The following CCDC191 variants were observed in gnomAD, a reference collection of about 807,000 sequenced individuals.
CCDC191 encodes coiled-coil domain-containing protein 191.
In CCDC191, 99 loss-of-function variants were observed where a neutral mutation model predicts 114.0. The observed-to-expected ratio is 0.87, with a 90% CI of 0.74 to 1.03. The LOEUF (loss-of-function observed/expected upper bound fraction) is 1.03, where lower values mean the gene tolerates loss of function less well. Among genes scored for constraint, CCDC191 ranks in the 50% least tolerant of loss-of-function variants. The pLI, the probability that CCDC191 is intolerant of heterozygous loss-of-function variation, is 0.00. For missense variants in CCDC191, 973 were observed against 1,087.0 expected, an observed-to-expected ratio of 0.90 and a Z score of 1.47; for synonymous variants, 351 against 376.0, an observed-to-expected ratio of 0.93 and a Z score of 0.77.
At chr3:114,017,321 C>A (rs970040468) in intron 8 of CCDC191, among the ~76,000 whole-genome samples, 4 of 152,152 alleles carry the variant, frequency 2.6e-5, no homozygotes, top group African/African-American at 9.7e-5. Context: ...CTTGATAATG[C>A]CTTTCCTGGC....
intron 3 of CCDC191, among the ~76,000 whole-genome samples, chr3:114,046,085 G>A (rs1168335048): frequency 6.6e-6 from 1 of 152,158 alleles, no homozygotes; most frequent in Non-Finnish European, 1.5e-5. Context: ...CTACCACAGT[G>A]GCCTCCCTTT....
intron 2 of CCDC191, among the ~76,000 whole-genome samples, chr3:114,047,566 G>A (rs2076646547): frequency 6.6e-6 from 1 of 152,118 alleles, no homozygotes; most frequent in Non-Finnish European, 1.5e-5. Context: ...CAGAGGCTGA[G>A]GCAGGAGGAA....
At chr3:114,002,661 G>T in intron 11 of CCDC191, 123 bp from the exon 12 acceptor site, 2 of 1,254,710 alleles carry the variant, frequency 1.6e-6, no homozygotes, top group Non-Finnish European at 2.1e-6. Context: ...CTTGTAAGTT[G>T]AATGTTCACA....
intron 4 of CCDC191, among the ~76,000 whole-genome samples, chr3:114,042,000 A>G (rs2076568575): frequency 6.6e-6 from 1 of 152,174 alleles, no homozygotes; most frequent in African/African-American, 2.4e-5. Flanking sequence ...TCCTCTGGAA[A>G]AAAAAACTAG....
chr3:114,025,286 C>T (rs1046980249), intron 7 of CCDC191, among the ~76,000 whole-genome samples: 14 of 151,468 alleles, frequency 9.2e-5, no homozygotes, highest in Non-Finnish European at 1.3e-4. Context: ...AAACCCAAAC[C>T]CTATCACTGT....
intron 2 of CCDC191, among the ~76,000 whole-genome samples, chr3:114,048,981 C>A (rs2076666244): frequency 6.6e-6 from 1 of 152,238 alleles, no homozygotes; most frequent in Non-Finnish European, 1.5e-5. Flanking sequence ...TCCTCCTGCC[C>A]TTTATGGAAA....
chr3:113,966,483 T>A (rs780289271), intron 16 of CCDC191, among the ~76,000 whole-genome samples: 2 of 152,124 alleles, frequency 1.3e-5, no homozygotes, highest in African/African-American at 2.4e-5. Flanking sequence ...AGTCTGGTGG[T>A]GAGGAGCAGA....
chr3:114,010,731 C>T (rs748809435), intron 9 of CCDC191, 41 bp downstream of exon 9: 1 of 1,558,402 alleles, frequency 6.4e-7, no homozygotes, highest in East Asian at 2.3e-5. Flanking sequence ...AAAGCACAAA[C>T]CTCAAATGCA....
At chr3:114,030,323 T>C (rs62267076) in intron 7 of CCDC191, among the ~76,000 whole-genome samples, 15,904 of 152,164 alleles carry the variant, frequency 0.1, 934 homozygotes, top group African/African-American at 0.15. Context: ...GAAAACACAC[T>C]TTATTTGTCT....
chr3:114,027,308 GGAGGAA>G (rs2076334173), intron 7 of CCDC191, among the ~76,000 whole-genome samples: 2 of 152,096 alleles, frequency 1.3e-5, no homozygotes, highest in African/African-American at 4.8e-5. Flanking sequence ...AGATACTCTG[GGAGGAA>G]CAAATAAAAT....
At chr3:114,003,854 A>G (rs1577394259) in intron 11 of CCDC191, 1 of 985,484 alleles carries the variant, frequency 1.0e-6, no homozygotes, top group Non-Finnish European at 1.2e-6. Context: ...TATAATTGTC[A>G]AAGTGCCAAC....
In CCDC191 at chr3:114,002,458, A is replaced by T; in HGVS notation, c.2059T>A (p.Leu687Met). Residue 687 changes from leucine to methionine, a missense_variant and splice_region_variant, in exon 12 of 17, where the codon TTG (leucine) becomes ATG (methionine). Coordinates refer to ENST00000295878, the MANE Select transcript of CCDC191 (RefSeq NM_020817.2). ...EKKKKQEEEKLAQLKAQEEER... is the reference protein window; with the variant it reads ...EKKKKQEEEKMAQLKAQEEER... ...AGTTTGCATTTTGAATCTATTACCA[A>T]TTTTTCTTCTTCTTGTTTTTTCTTC... is the stretch of plus-strand genomic sequence containing the variant. 1 of 1,603,912 alleles carries T rather than the reference A, an allele frequency of 6.2e-7. No homozygotes were observed. Among genetic ancestry groups the T allele is most frequent in the Non-Finnish European group, 8.5e-7 (1 of 1,175,234 alleles).
chr3:114,014,796 G>C (rs1344844205), intron 8 of CCDC191, among the ~76,000 whole-genome samples: 1 of 152,080 alleles, frequency 6.6e-6, no homozygotes, highest in African/African-American at 2.4e-5. Context: ...TGTCATTCAT[G>C]TCACTCCTAA....
At chr3:113,975,592 G>A (rs955103302) in intron 16 of CCDC191, among the ~76,000 whole-genome samples, 2 of 152,152 alleles carry the variant, frequency 1.3e-5, no homozygotes, top group Admixed American at 6.6e-5. Context: ...TGTTTAACAT[G>A]TAAACAGTAA....
chr3:114,038,935 C>T (rs946934493), intron 4 of CCDC191, among the ~76,000 whole-genome samples: 3 of 152,042 alleles, frequency 2.0e-5, no homozygotes, highest in African/African-American at 7.2e-5. Flanking sequence ...GGCTTAATAC[C>T]TAGGTGATGG....
chr3:113,970,375 G>C (rs1247712451), intron 16 of CCDC191, among the ~76,000 whole-genome samples: 2 of 151,960 alleles, frequency 1.3e-5, no homozygotes, highest in African/African-American at 4.8e-5. Context: ...ACCCAGGCTG[G>C]TCTTGAACCC....
chr3:114,033,406 G>T (rs2107730481), intron 6 of CCDC191, among the ~76,000 whole-genome samples: 1 of 152,170 alleles, frequency 6.6e-6, no homozygotes, highest in East Asian at 1.9e-4. Context: ...TCTTTGTCTG[G>T]ATTTCTGATA....
At chr3:114,041,262 A>G (rs1319974388) in intron 4 of CCDC191, among the ~76,000 whole-genome samples, 1 of 152,212 alleles carries the variant, frequency 6.6e-6, no homozygotes, top group Non-Finnish European at 1.5e-5. Context: ...CGAGGATGAT[A>G]AGACCTAGAA....
In CCDC191 at chr3:114,039,860, G is replaced by A. The variant is rs542809376; in HGVS notation, c.415+2843C>T. On this transcript the variant is annotated intron_variant, in intron 4 of 16. Coordinates refer to ENST00000295878, the MANE Select transcript of CCDC191 (RefSeq NM_020817.2). ...CAAAATTTACAAAGTAAAAAAGTTG[G>A]AGTAAGTTAAAGTCAATTTATTATT... Among the ~76,000 whole-genome samples the A allele has an allele frequency of 6.2e-4, 94 of 152,220 alleles. 1 individual carries two copies. Among genetic ancestry groups the A allele is most frequent in the African/African-American group, 2.2e-3 (91 of 41,534 alleles).
Sources: gnomAD v4.1 joint callset for allele counts (sites outside exome capture counted in the v4.1 genomes callset) on GRCh38, gnomAD v4.1.1 for gene constraint, MANE v1.5 for transcripts, NCBI Gene and HGNC (gene_info 2026-07-23, HGNC 2026-07-21) for gene names.